The following IKZF2 variants were observed in gnomAD, a reference collection of about 807,000 sequenced individuals.
The protein encoded by IKZF2 is IKAROS family zinc finger 2, also known as zinc finger protein Helios.
IKZF2 carries 15 observed loss-of-function variants against 49.2 expected under a neutral mutation model. That is an observed-to-expected ratio of 0.30 (90% confidence interval 0.20 to 0.47). IKZF2 has a LOEUF of 0.47. Ranked by LOEUF, IKZF2 falls within the 20% of genes least tolerant of loss-of-function variation. The pLI, the probability that IKZF2 is intolerant of heterozygous loss-of-function variation, is 1.00. For synonymous variants in IKZF2, 227 were observed against 221.4 expected, an observed-to-expected ratio of 1.03 and a Z score of -0.23; for missense variants, 567 against 664.6, an observed-to-expected ratio of 0.85 and a Z score of 1.61.
intron 4 of IKZF2, among the ~76,000 whole-genome samples, chr2:213,080,552 T>C (rs1559247549): frequency 1.3e-5 from 2 of 152,150 alleles, no homozygotes; most frequent in African/African-American, 4.8e-5. Flanking sequence ...TAATAATGTA[T>C]GACTGTAAGA....
At chr2:213,135,124 G>A (rs1300608645) in intron 4 of IKZF2, among the ~76,000 whole-genome samples, 2 of 151,932 alleles carry the variant, frequency 1.3e-5, no homozygotes, top group African/African-American at 4.8e-5. Context: ...AACATTCGAG[G>A]GAATTTTAAA....
At chr2:213,020,064 A>G (rs982708504) in intron 7 of IKZF2, among the ~76,000 whole-genome samples, 1 of 152,196 alleles carries the variant, frequency 6.6e-6, no homozygotes, top group African/African-American at 2.4e-5. Flanking sequence ...ATAAAGTTGG[A>G]AATGCATAAC....
At chr2:213,071,285 G>A (rs972010838) in intron 4 of IKZF2, among the ~76,000 whole-genome samples, 6 of 151,604 alleles carry the variant, frequency 4.0e-5, no homozygotes, top group East Asian at 1.9e-4. Context: ...TGAATATTAC[G>A]GAATAAAAAT....
chr2:213,038,225 A>AT (rs1699234093), intron 6 of IKZF2, among the ~76,000 whole-genome samples: 1 of 151,708 alleles, frequency 6.6e-6, no homozygotes. Flanking sequence ...CGCCCAGCTA[A>AT]TTTTTTTGTA....
chr2:213,150,704 G>GGC (rs1553606017), intron 1 of IKZF2, among the ~76,000 whole-genome samples: 1 of 112,622 alleles, frequency 8.9e-6, no homozygotes, highest in African/African-American at 3.1e-5. Flanking sequence ...GAAAGAAAAG[G>GGC]GGGGGGGGGC....
At position 213,123,195 on chromosome 2, in the gene IKZF2, C is replaced by T. The variant is rs1352059342; in HGVS notation, c.139+24513G>A. Among the ~76,000 whole-genome samples, 2 of 152,104 alleles carry T rather than the reference C, an allele frequency of 1.3e-5. 1 individual carries two copies. Among genetic ancestry groups the T allele is most frequent in the Non-Finnish European group, 2.9e-5 (2 of 68,020 alleles). On this transcript the variant is annotated intron_variant, in intron 4 of 8. Coordinates refer to ENST00000434687, the MANE Select transcript of IKZF2 (RefSeq NM_001387220.1). ...TCTTAAGAAATGTCAGCTGGAAAAC[C>T]GTGATGAATTTCCACAACCTAAGCA...
At chr2:213,120,441 T>C (rs567812511) in intron 4 of IKZF2, among the ~76,000 whole-genome samples, 1 of 152,328 alleles carries the variant, frequency 6.6e-6, no homozygotes, top group African/African-American at 2.4e-5. Flanking sequence ...AAAGAATATG[T>C]TATATTCAAG....
At chr2:213,057,362 T>C (rs779096484) in intron 4 of IKZF2, among the ~76,000 whole-genome samples, 1 of 152,154 alleles carries the variant, frequency 6.6e-6, no homozygotes, top group African/African-American at 2.4e-5. Flanking sequence ...ACTTAGACAT[T>C]TGCTTTTTAA....
intron 8 of IKZF2, among the ~76,000 whole-genome samples, chr2:213,012,326 C>CT (rs1363475137): frequency 6.6e-6 from 1 of 151,772 alleles, no homozygotes; most frequent in East Asian, 1.9e-4. Context: ...AGTAACATCT[C>CT]TAAGTCAGGA....
At position 213,031,379 on chromosome 2, in the gene IKZF2, C is replaced by T. The variant is rs1050879644; in HGVS notation, c.575-9249G>A. On this transcript the variant is annotated intron_variant, in intron 6 of 8. Transcript: ENST00000434687. ...AGTAAACTGAAAATCTTATACAGGA[C>T]ACAAACACCAGGAAAAATTGTATAT... 1.3e-5 allele frequency among the ~76,000 whole-genome samples: 2 copies of T among 152,108 alleles called. 1 individual carries two copies. Among genetic ancestry groups the T allele is most frequent in the Non-Finnish European group, 2.9e-5 (2 of 68,024 alleles).
rs143278193 is a variant in IKZF2, at chr2:213,064,109, A to G, written c.140-7010T>C. Among the ~76,000 whole-genome samples, 80 of 152,044 alleles carry G rather than the reference A, an allele frequency of 5.3e-4. No individual in the cohort carries two copies. In the East Asian group the frequency reaches 0.013, roughly 25 times the overall value. ...TTGCTGAAGAATCTGTCAATATTCAATCTTTTCCTCCTCCTCTCTATTTTT... is the reference window on the plus strand; with the variant it reads ...TTGCTGAAGAATCTGTCAATATTCAGTCTTTTCCTCCTCCTCTCTATTTTT... On this transcript the variant is annotated intron_variant, in intron 4 of 8. Coordinates refer to ENST00000434687, the MANE Select transcript of IKZF2 (RefSeq NM_001387220.1).
chr2:213,096,217 C>T (rs1705976344), intron 4 of IKZF2, among the ~76,000 whole-genome samples: 1 of 151,970 alleles, frequency 6.6e-6, no homozygotes, highest in Admixed American at 6.6e-5. Context: ...GAAATATTGA[C>T]TCTAAAGATG....
chr2:213,148,197 G>A (rs2061147414), intron 3 of IKZF2, among the ~76,000 whole-genome samples: 2 of 152,134 alleles, frequency 1.3e-5, no homozygotes, highest in Admixed American at 1.3e-4. Context: ...GGTAGCTAAA[G>A]AAATGTCAAG....
At chr2:213,124,248 G>GCGCA (rs2060165112) in intron 4 of IKZF2, among the ~76,000 whole-genome samples, 2 of 115,494 alleles carry the variant, frequency 1.7e-5, no homozygotes, top group East Asian at 2.5e-4. Flanking sequence ...GCTCGCGCGC[G>GCGCA]CGCGCACACA....
intron 4 of IKZF2, among the ~76,000 whole-genome samples, chr2:213,131,985 G>A (rs1474488674): frequency 6.6e-6 from 1 of 152,142 alleles, no homozygotes; most frequent in Non-Finnish European, 1.5e-5. Context: ...AGCTTCTGTG[G>A]AAAAGATAAA....
At chr2:213,063,266 TC>T (rs1289604578) in intron 4 of IKZF2, among the ~76,000 whole-genome samples, 1 of 151,948 alleles carries the variant, frequency 6.6e-6, no homozygotes, top group East Asian at 1.9e-4. Flanking sequence ...ATTATGTATT[TC>T]TTAAACCCAC....
intron 4 of IKZF2, among the ~76,000 whole-genome samples, chr2:213,097,183 G>C (rs1706106199): frequency 6.6e-6 from 1 of 151,474 alleles, no homozygotes; most frequent in Admixed American, 6.6e-5. Flanking sequence ...AGTACAACTG[G>C]GAATCATTCT....
At chr2:213,124,827 A>G (rs2125858069) in intron 4 of IKZF2, among the ~76,000 whole-genome samples, 1 of 152,352 alleles carries the variant, frequency 6.6e-6, no homozygotes, top group African/African-American at 2.4e-5. Flanking sequence ...GTCTTGAAAT[A>G]GGAAAGAAAA....
rs1397301373 is a variant in IKZF2, at chr2:213,007,330, T to C, written c.*30A>G. The C allele has an allele frequency of 1.7e-5, 28 of 1,601,572 alleles. No homozygotes were observed. The highest frequency in any genetic ancestry group is 2.4e-5 in the Non-Finnish European group (28 of 1,174,214). ...ATTTCTTCATGTGCAGTTCTTTACT[T>C]CATAGGGGTCCCCTTTGGAATGAAA... On this transcript the variant is annotated 3_prime_UTR_variant, in exon 9 of 9. Transcript: ENST00000434687.
Sources: allele counts gnomAD v4.1 joint callset (sites outside exome capture counted in the v4.1 genomes callset), GRCh38; gene constraint gnomAD v4.1.1; transcripts MANE v1.5; gene names NCBI Gene and HGNC (gene_info 2026-07-23, HGNC 2026-07-21).